TBC1D9: variants seen among roughly 807,000 people sequenced by gnomAD.
TBC1D9 encodes TBC1 domain family member 9.
Under a neutral mutation model 132.0 loss-of-function variants are expected in TBC1D9, and 63 were observed. That is an observed-to-expected ratio of 0.48 (90% CI 0.39 to 0.59). TBC1D9 has a LOEUF of 0.59. Among genes scored for constraint, TBC1D9 ranks in the 20% least tolerant of loss-of-function variants. The pLI, the probability that TBC1D9 is intolerant of heterozygous loss-of-function variation, is 0.00. For missense variants in TBC1D9, 1,261 were observed against 1,592.7 expected (o/e 0.79, Z 3.54); for synonymous variants, 610 against 609.9 (o/e 1.00, Z 0.00).
In TBC1D9 at chr4:140,721,111, C is replaced by T. The variant is rs892506820; in HGVS notation, c.131-19497G>A. On this transcript the variant is annotated intron_variant, in intron 1 of 20. Transcript: ENST00000442267. ...TGGGGAAGACTGGAGATCCTGGGGG[C>T]CCCTCTCTGAGGGTGCAGCGGGGTC... Among the ~76,000 whole-genome samples the T allele has an allele frequency of 7.9e-5, 12 of 152,260 alleles. No homozygotes were observed. In the East Asian group the frequency reaches 2.3e-3, roughly 29 times the overall value.
intron 9 of TBC1D9, among the ~76,000 whole-genome samples, chr4:140,663,260 G>A (rs941468558): frequency 6.6e-6 from 1 of 152,036 alleles, no homozygotes; most frequent in Non-Finnish European, 1.5e-5. Context: ...CTCAAAAGAA[G>A]GTATACAAAT....
At chr4:140,633,629 C>A (rs1736831620) in intron 16 of TBC1D9, among the ~76,000 whole-genome samples, 1 of 151,874 alleles carries the variant, frequency 6.6e-6, no homozygotes, top group African/African-American at 2.4e-5. Flanking sequence ...ATAAAATATT[C>A]TATTTTTTTT....
At chr4:140,645,367 G>A in intron 13 of TBC1D9, 2 of 476,162 alleles carry the variant, frequency 4.2e-6, no homozygotes, top group Non-Finnish European at 8.3e-6. Context: ...CCCACAGGCG[G>A]GTGTCGCACT....
chr4:140,645,231 G>A (rs1004182143), intron 13 of TBC1D9: 80 of 534,248 alleles, frequency 1.5e-4, no homozygotes, highest in South Asian at 1.0e-3. Flanking sequence ...CTGGTGTCTG[G>A]CCCGGTGTCC....
At chr4:140,635,605 T>C (rs1272306018) in intron 15 of TBC1D9, among the ~76,000 whole-genome samples, 1 of 152,190 alleles carries the variant, frequency 6.6e-6, no homozygotes, top group Non-Finnish European at 1.5e-5. Context: ...TTGCTCTCCC[T>C]TAGAAAAGGA....
chr4:140,723,909 A>G (rs1286472650), intron 1 of TBC1D9, among the ~76,000 whole-genome samples: 5 of 152,010 alleles, frequency 3.3e-5, no homozygotes, highest in Non-Finnish European at 7.4e-5. Flanking sequence ...TGCCTAGCTA[A>G]TTTATTTTTA....
chr4:140,657,685 G>A lies in TBC1D9; in HGVS notation c.2049C>T (p.Leu683=). The change falls in exon 12 of 21, where the codon CTC becomes CTT. Residue 683 remains leucine (L), a synonymous_variant. Transcript: ENST00000442267. ...ISLSWFLTLF[L]SVMPFESAVV... is the part of the protein sequence containing the mutation. ...CTGCACTCTCAAAAGGCATCACACT[G>A]AGAAATAGTGTGAGGAACCAAGACA... The A allele has an allele frequency of 6.2e-7, 1 of 1,613,976 alleles. No individual in the cohort carries two copies. The highest frequency in any genetic ancestry group is 8.5e-7 in the Non-Finnish European group (1 of 1,179,872).
intron 8 of TBC1D9, 141 bp downstream of exon 8, chr4:140,669,493 A>G: frequency 1.1e-6 from 1 of 941,656 alleles, no homozygotes; most frequent in Non-Finnish European, 1.6e-6. Flanking sequence ...GAAAGTTATA[A>G]CATATTTAGA....
intron 18 of TBC1D9, among the ~76,000 whole-genome samples, chr4:140,626,444 A>T (rs1355464500): frequency 2.0e-5 from 3 of 152,170 alleles, no homozygotes; most frequent in Non-Finnish European, 4.4e-5. Flanking sequence ...TCTCTACAGA[A>T]ATCACTTTGG....
chr4:140,641,266 C>T (rs1434365675), intron 13 of TBC1D9, among the ~76,000 whole-genome samples: 7 of 152,120 alleles, frequency 4.6e-5, no homozygotes, highest in East Asian at 1.9e-4. Context: ...TTCCAGGTTG[C>T]TAGCACGTTC....
At position 140,687,343 on chromosome 4, in the gene TBC1D9, CATATATATATATATATAT is replaced by C. The variant is rs200090051; in HGVS notation, c.242-899_242-882del. On this transcript the variant is annotated intron_variant, in intron 2 of 20. Transcript: ENST00000442267. ...TATATGTGTGTGTGTGTGTGTGTGT[CATATATATATATATATAT>C]ATATATATATATATATATATATATA... is the stretch of plus-strand genomic sequence containing the variant. Among the ~76,000 whole-genome samples, 345 of 37,866 alleles carry C rather than the reference CATATATATATATATATAT, an allele frequency of 9.1e-3. 7 individuals carry two copies. Among genetic ancestry groups the C allele is most frequent in the African/African-American group, 0.017 (256 of 15,424 alleles). The allele number at this position is 37,866 out of a possible 152,430, so 24.8% of individuals were successfully genotyped here.
At chr4:140,703,676 T>TC (rs1738106999) in intron 1 of TBC1D9, among the ~76,000 whole-genome samples, 1 of 152,062 alleles carries the variant, frequency 6.6e-6, no homozygotes, top group South Asian at 2.1e-4. Flanking sequence ...TTAGATTCAC[T>TC]CCAAACCACA....
At chr4:140,695,994 A>G (rs1737949470) in intron 2 of TBC1D9, among the ~76,000 whole-genome samples, 1 of 152,224 alleles carries the variant, frequency 6.6e-6, no homozygotes, top group Non-Finnish European at 1.5e-5. Context: ...TTGTTGACAT[A>G]ATGGCATATT....
chr4:140,755,978 T>C lies in TBC1D9; in HGVS notation c.68A>G (p.Tyr23Cys). Residue 23 changes from tyrosine (Y) to cysteine (C), a missense_variant, in exon 1 of 21, where the codon TAC becomes TGC. Transcript: ENST00000442267. Reference sequence around the variant, plus strand: ...GCCCTTCCTCCGCTGCAGGATGAAGTATGGGTTGGCCCTCTCGGTGATCCA... The same window carrying C: ...GCCCTTCCTCCGCTGCAGGATGAAGCATGGGTTGGCCCTCTCGGTGATCCA... ...ALWITERANPYFILQRRKGHA... is the reference protein window; with the variant it reads ...ALWITERANPCFILQRRKGHA... 1.2e-6 allele frequency: 2 copies of C among 1,607,454 alleles called. No homozygotes were observed. Among genetic ancestry groups the C allele is most frequent in the Non-Finnish European group, 8.5e-7 (1 of 1,177,186 alleles).
chr4:140,668,905 C>T lies in TBC1D9; in HGVS notation c.1588+12G>A, dbSNP rs1439526875. 2 of 1,613,094 alleles carry T rather than the reference C, an allele frequency of 1.2e-6. No individual in the cohort carries two copies. Among genetic ancestry groups the T allele is most frequent in the Non-Finnish European group, 8.5e-7 (1 of 1,179,622 alleles). ...GACTTTGACGCCAGCATTCCCAGCC[C>T]AGCGGCCGTACCTGACAGCAGCAGC... On this transcript the variant is annotated intron_variant, in intron 9 of 20. Transcript: ENST00000442267.
At chr4:140,747,634 A>G (rs1033282422) in intron 1 of TBC1D9, among the ~76,000 whole-genome samples, 3 of 152,196 alleles carry the variant, frequency 2.0e-5, no homozygotes, top group African/African-American at 7.2e-5. Flanking sequence ...GGAGAGCTCT[A>G]TATTTTAGAG....
At chr4:140,741,995 G>T (rs1177554064) in intron 1 of TBC1D9, among the ~76,000 whole-genome samples, 1 of 152,110 alleles carries the variant, frequency 6.6e-6, no homozygotes, top group East Asian at 1.9e-4. Context: ...TACATGGGTT[G>T]GTTCACGTCT....
At chr4:140,750,249 A>G (rs773682438) in intron 1 of TBC1D9, among the ~76,000 whole-genome samples, 5 of 152,108 alleles carry the variant, frequency 3.3e-5, no homozygotes, top group Non-Finnish European at 7.4e-5. Flanking sequence ...GGATAAGAGT[A>G]TGTACAATTG....
chr4:140,734,378 C>T (rs1467324650), intron 1 of TBC1D9, among the ~76,000 whole-genome samples: 1 of 152,164 alleles, frequency 6.6e-6, no homozygotes, highest in Non-Finnish European at 1.5e-5. Context: ...TATTCACCCA[C>T]CTTGGCCTCC....
Sources: gnomAD v4.1 joint callset for allele counts (sites outside exome capture counted in the v4.1 genomes callset) on GRCh38, gnomAD v4.1.1 for gene constraint, MANE v1.5 for transcripts, NCBI Gene and HGNC (gene_info 2026-07-23, HGNC 2026-07-21) for gene names.